The following ATG2A variants were observed in gnomAD, a reference collection of about 807,000 sequenced individuals.
ATG2A encodes autophagy-related protein 2 homolog A.
ATG2A carries 103 observed loss-of-function variants against 214.2 expected under a neutral mutation model. The observed-to-expected ratio is 0.48, with a 90% confidence interval of 0.41 to 0.57. The LOEUF is 0.57. Among genes scored for constraint, ATG2A ranks in the 20% least tolerant of loss-of-function variants. The probability of loss-of-function intolerance (pLI) is 0.00; values close to 1 mark genes in which losing one functional copy is unlikely to be tolerated. For missense variants in ATG2A, 2,312 were observed against 2,613.2 expected, an observed-to-expected ratio of 0.88 and a Z score of 2.51; for synonymous variants, 1,160 against 1,142.1, an observed-to-expected ratio of 1.02 and a Z score of -0.32.
At chr11:64,906,048 C>A in intron 22 of ATG2A, 65 bp downstream of exon 22, 1 of 1,522,948 alleles carries the variant, frequency 6.6e-7, no homozygotes, top group Non-Finnish European at 8.9e-7. Flanking sequence ...CACCTAGAGA[C>A]CTGCTTGCCC....
chr11:64,909,475 G>A, intron 14 of ATG2A, 108 bp from the exon 15 acceptor site: 2 of 1,387,758 alleles, frequency 1.4e-6, no homozygotes, highest in Non-Finnish European at 2.0e-6. Flanking sequence ...CACACACCTT[G>A]GTGGGCAGAG....
Position 64,906,215 on chromosome 11 carries a change from G to C in ATG2A, c.3184-22C>G, listed in dbSNP as rs780869897. On this transcript the variant is annotated intron_variant, in intron 21 of 40. Coordinates refer to ENST00000377264, the MANE Select transcript of ATG2A (RefSeq NM_015104.3). ...ACTCCTGAGGGTGGGGGCGCAGTCA[G>C]GGCAGTGGGGAGGCCAGCCCCACCG... 2.5e-6 allele frequency: 4 copies of C among 1,611,444 alleles called. No homozygotes were observed. The South Asian group carries it at 4.4e-5, about 18-fold the overall frequency.
chr11:64,906,602 G>A lies in ATG2A; in HGVS notation c.2983+63C>T, dbSNP rs940718365. 4.9e-5 allele frequency: 79 copies of A among 1,608,406 alleles called. No homozygotes were observed. The African/African-American group carries it at 7.6e-4, about 15-fold the overall frequency. On this transcript the variant is annotated intron_variant, in intron 20 of 40. Coordinates refer to ENST00000377264, the MANE Select transcript of ATG2A (RefSeq NM_015104.3). ...CCCACTCCACCCAGGGCCCACATCC[G>A]TCCTGAAAGCCCTCCACCCCCAACC...
At chr11:64,902,851 A>G (rs1048562990) in intron 26 of ATG2A, among the ~76,000 whole-genome samples, 171 bp from the exon 27 acceptor site, 5 of 152,124 alleles carry the variant, frequency 3.3e-5, no homozygotes, top group Admixed American at 6.5e-5. Flanking sequence ...CAGATGAACA[A>G]ACTGTTCACC....
At chr11:64,915,593 C>T (rs1161369921) in intron 1 of ATG2A, among the ~76,000 whole-genome samples, 3 of 152,142 alleles carry the variant, frequency 2.0e-5, no homozygotes, top group Non-Finnish European at 4.4e-5. Flanking sequence ...AAAGCGCCTG[C>T]ATTCCACCAG....
Position 64,906,673 on chromosome 11 carries a change from TAG to T in ATG2A, c.2973_2974del (p.Tyr992ProfsTer7). 6.2e-7 allele frequency: 1 copy of T among 1,613,518 alleles called. No homozygotes were observed. Among genetic ancestry groups the T allele is most frequent in the Non-Finnish European group, 8.5e-7 (1 of 1,179,980 alleles). ...GCCCCCAGGCCTCACACCTCGGTGG[TAG>T]AGTGTTGCCTTTTCAGCTTCCAGAC... On this transcript the variant is annotated frameshift_variant, in exon 20 of 41. Transcript: ENST00000377264. LOFTEE classifies it high-confidence loss of function.
In ATG2A at chr11:64,913,342, T is replaced by G. The variant is rs559890570; in HGVS notation, c.650A>C (p.His217Pro). ...DPSQAPPVDV[H>P]QPPAFLHKLL... ...CTTGTGCAGGAAGGCAGGCGGCTGA[T>G]GCACGTCCACCGGCGGCGCCTGGCT... Residue 217 changes from histidine (H) to proline (P), a missense_variant, in exon 5 of 41, where the codon CAT becomes CCT. By Grantham distance (77) the His-to-Pro change is moderately conservative. Transcript: ENST00000377264. The surrounding 1 kb of genome is among the most constrained non-coding windows in gnomAD (Gnocchi z 4.3). 2.5e-6 allele frequency: 4 copies of G among 1,606,240 alleles called. No homozygotes were observed. The highest frequency in any genetic ancestry group is 3.4e-5 in the Admixed American group (2 of 59,104).
At position 64,898,668 on chromosome 11, in the gene ATG2A, C is replaced by T; in HGVS notation, c.4639G>A (p.Glu1547Lys). Residue 1547 changes from glutamate to lysine, a missense_variant, in exon 32 of 41, where the codon GAG becomes AAG. By Grantham distance (56) the Glu-to-Lys change is moderately conservative. Coordinates refer to ENST00000377264, the MANE Select transcript of ATG2A (RefSeq NM_015104.3). The surrounding 1 kb of genome is among the most constrained non-coding windows in gnomAD (Gnocchi z 4.5). ...GAGTGGGCACGTCGCGGCATCCGCTCACTCGTGTGTAGGTACAGGAACTTG... is the reference window on the plus strand; with the variant it reads ...GAGTGGGCACGTCGCGGCATCCGCTTACTCGTGTGTAGGTACAGGAACTTG... ...INKFLYLHTS[E>K]RMPRRAHSNM... The T allele has an allele frequency of 6.2e-7, 1 of 1,614,038 alleles. No homozygotes were observed. The highest frequency in any genetic ancestry group is 8.5e-7 in the Non-Finnish European group (1 of 1,180,022).
intron 29 of ATG2A, among the ~76,000 whole-genome samples, chr11:64,901,536 A>G (rs1229090163): frequency 2.0e-5 from 3 of 151,986 alleles, no homozygotes; most frequent in Non-Finnish European, 2.9e-5. Flanking sequence ...CTATCACCCG[A>G]GTCTATGCCT....
chr11:64,895,057 C>A lies in ATG2A; in HGVS notation c.5733G>T (p.Leu1911=). 1 of 1,613,252 alleles carries A rather than the reference C, an allele frequency of 6.2e-7. No individual in the cohort carries two copies. Among genetic ancestry groups the A allele is most frequent in the Non-Finnish European group, 8.5e-7 (1 of 1,179,770 alleles). ...CAATCTGGTTGCGCATGCCCCCGAG[C>A]AGGCTGGACGTGGCCTCCGTGGCCA... ...LILATEATSS[L]LGGMRNQIVP... Residue 1911 remains leucine (L), a synonymous_variant, in exon 41 of 41, where the codon CTG becomes CTT. Transcript: ENST00000377264. This position sits in a 1 kb window ranked among gnomAD's most constrained non-coding sequence, Gnocchi z 5.0.
Position 64,907,312 on chromosome 11 carries a change from G to A in ATG2A, c.2775C>T (p.Thr925=). ...PEAPSLHLQS[T]FSTLVTVLKG... ...TCAGCACTGTCACCAGTGTAGAGAA[G>A]GTGCTCTGCAAGTGAAGACTTGGGG... The change falls in exon 19 of 41, where the codon ACC becomes ACT. Residue 925 remains threonine (T), a synonymous_variant. Coordinates refer to ENST00000377264, the MANE Select transcript of ATG2A (RefSeq NM_015104.3). 2 of 1,551,722 alleles carry A rather than the reference G, an allele frequency of 1.3e-6. No homozygotes were observed. The highest frequency in any genetic ancestry group is 1.7e-6 in the Non-Finnish European group (2 of 1,147,516).
intron 9 of ATG2A, 102 bp from the exon 10 acceptor site, chr11:64,911,377 C>T (rs574660202): frequency 3.3e-6 from 4 of 1,195,454 alleles, no homozygotes; most frequent in East Asian, 4.8e-5. Context: ...GCCAGGTCTG[C>T]CCCACCATGT....
rs768659883 is a variant in ATG2A, at chr11:64,900,629, C to A, written c.4329G>T (p.Arg1443Ser). The A allele has an allele frequency of 2.5e-6, 4 of 1,601,392 alleles. No individual in the cohort carries two copies. The highest frequency in any genetic ancestry group is 2.2e-5 in the East Asian group (1 of 44,720). The change falls in exon 31 of 41, where the codon AGG becomes AGT. Residue 1443 changes from arginine (R) to serine (S), a missense_variant and splice_region_variant. Transcript: ENST00000377264. ...TGGGACCTGAGAGGCCAGTTCTTGC[C>A]CTGGGAAGAGGGACAGGGGCCAAGC... Reference protein sequence around the residue: ...GRDFGPHPGHRARTGLSGPRS... With the variant: ...GRDFGPHPGHSARTGLSGPRS...
rs1304291604 is a variant in ATG2A at position 64,916,160 on chromosome 11, T to C, written c.171+805A>G. Among the ~76,000 whole-genome samples, 6 of 151,864 alleles carry C rather than the reference T, an allele frequency of 4.0e-5. No homozygotes were observed. The East Asian group carries it at 1.2e-3, about 29-fold the overall frequency. ...GGTCAGCTGAGCTGTGAGTCAGGGCTCCTCACCGTTCCCAGCCTCAAGCCT... is the reference window on the plus strand; with the variant it reads ...GGTCAGCTGAGCTGTGAGTCAGGGCCCCTCACCGTTCCCAGCCTCAAGCCT... On this transcript the variant is annotated intron_variant, in intron 1 of 40. Transcript: ENST00000377264.
rs1382659521 is a variant in ATG2A, at chr11:64,902,673, G to A, written c.3620C>T (p.Pro1207Leu). The A allele has an allele frequency of 6.2e-7, 1 of 1,609,342 alleles. No homozygotes were observed. The highest frequency in any genetic ancestry group is 8.5e-7 in the Non-Finnish European group (1 of 1,178,802). Reference sequence around the variant, plus strand: ...GTTGGAGCAGCGCAGCTCGAATAGTGGCTGGCTCTGCAGGGGCGGGGTGGG... The same window carrying A: ...GTTGGAGCAGCGCAGCTCGAATAGTAGCTGGCTCTGCAGGGGCGGGGTGGG... ...KGSTEGKLSQ[P>L]LFELRCSNNV... The change falls in exon 27 of 41, where the codon CCA (proline) becomes CTA (leucine). Residue 1207 changes from proline (P) to leucine (L), a missense_variant. By Grantham distance (98) the Pro-to-Leu change is moderately conservative. Coordinates refer to ENST00000377264, the MANE Select transcript of ATG2A (RefSeq NM_015104.3).
chr11:64,897,289 T>C, intron 37 of ATG2A, 123 bp downstream of exon 37: 6 of 1,203,642 alleles, frequency 5.0e-6, no homozygotes, highest in Non-Finnish European at 7.0e-6. Context: ...GCGTCCTTTT[T>C]ACAGAGGAGA....
Position 64,910,958 on chromosome 11 carries a change from C to A in ATG2A, c.1467-4G>T, listed in dbSNP as rs372888656. On this transcript the variant is annotated splice_region_variant and splice_polypyrimidine_tract_variant and intron_variant, in intron 10 of 40. Transcript: ENST00000377264. Reference sequence around the variant, plus strand: ...CTGCACGGCTGTGCCCGTTAGCCTGCGGGGAAGAGGACAGGCGTCAGAAGG... The same window carrying A: ...CTGCACGGCTGTGCCCGTTAGCCTGAGGGGAAGAGGACAGGCGTCAGAAGG... 3.7e-6 allele frequency: 6 copies of A among 1,613,260 alleles called. No individual in the cohort carries two copies. Among genetic ancestry groups the A allele is most frequent in the Non-Finnish European group, 5.1e-6 (6 of 1,180,012 alleles).
intron 9 of ATG2A, 66 bp downstream of exon 9, chr11:64,911,776 C>A (rs1243758995): frequency 6.3e-7 from 1 of 1,594,176 alleles, no homozygotes; most frequent in Non-Finnish European, 8.5e-7. Flanking sequence ...CTCTGACAGC[C>A]CACGGCACTA....
intron 14 of ATG2A, 143 bp from the exon 15 acceptor site, chr11:64,909,510 C>A: frequency 7.1e-7 from 1 of 1,406,312 alleles, no homozygotes; most frequent in Non-Finnish European, 9.7e-7. Flanking sequence ...AGGGTCCACC[C>A]TACTTGTCGG....
Sources: allele counts gnomAD v4.1 joint callset (sites outside exome capture counted in the v4.1 genomes callset), GRCh38; gene constraint gnomAD v4.1.1; non-coding constraint Gnocchi (gnomAD v3.1); transcripts MANE v1.5; gene names NCBI Gene and HGNC (gene_info 2026-07-23, HGNC 2026-07-21).